MAGI1: variants seen among roughly 807,000 people sequenced by gnomAD.
MAGI1 encodes membrane associated guanylate kinase, WW and PDZ domain containing 1.
A neutral mutation model predicts 139.9 loss-of-function variants in MAGI1; 58 were observed. The observed-to-expected ratio is 0.41, with a 90% confidence interval of 0.34 to 0.52. The LOEUF (loss-of-function observed/expected upper bound fraction) is 0.52, where lower values mean the gene tolerates loss of function less well. Among genes scored for constraint, MAGI1 ranks in the 20% least tolerant of loss-of-function variants. The pLI is 0.12. For synonymous variants in MAGI1, 812 were observed against 737.9 expected, an observed-to-expected ratio of 1.10 and a Z score of -1.63; for missense variants, 1,874 against 1,901.6, an observed-to-expected ratio of 0.99 and a Z score of 0.27.
chr3:65,426,762 A>G (rs1947074593), intron 12 of MAGI1, among the ~76,000 whole-genome samples: 1 of 152,202 alleles, frequency 6.6e-6, no homozygotes, highest in South Asian at 2.1e-4. Flanking sequence ...GATTAATAGT[A>G]TCTAGTGCTA....
chr3:65,503,923 G>A (rs986675134), intron 2 of MAGI1, among the ~76,000 whole-genome samples: 32 of 152,284 alleles, frequency 2.1e-4, no homozygotes, highest in Non-Finnish European at 3.8e-4. Flanking sequence ...TTTCCTGGAA[G>A]CCAGGTGCTC....
chr3:65,836,256 G>C (rs1284444570), intron 1 of MAGI1, among the ~76,000 whole-genome samples: 1 of 152,124 alleles, frequency 6.6e-6, no homozygotes, highest in Non-Finnish European at 1.5e-5. Flanking sequence ...TTTGCTCCAT[G>C]AACACATGCA....
At chr3:65,672,839 T>TA (rs2086946016) in intron 1 of MAGI1, among the ~76,000 whole-genome samples, 2 of 152,192 alleles carry the variant, frequency 1.3e-5, no homozygotes, top group South Asian at 4.1e-4. Flanking sequence ...TAACCACTAT[T>TA]AAAGTGTTAA....
At chr3:65,969,888 C>T (rs922955041) in intron 1 of MAGI1, among the ~76,000 whole-genome samples, 2 of 152,214 alleles carry the variant, frequency 1.3e-5, no homozygotes, top group African/African-American at 4.8e-5. Flanking sequence ...AACAGCACAG[C>T]TCTAAGTACT....
chr3:65,879,177 G>A (rs1246180548), intron 1 of MAGI1, among the ~76,000 whole-genome samples: 1 of 151,758 alleles, frequency 6.6e-6, no homozygotes. Context: ...CACCAGACTC[G>A]GCCGAAAATT....
At chr3:65,697,853 T>C (rs1359727681) in intron 1 of MAGI1, among the ~76,000 whole-genome samples, 1 of 72,868 alleles carries the variant, frequency 1.4e-5, no homozygotes, top group Non-Finnish European at 2.5e-5. Context: ...CTATTCAACA[T>C]AGTGTTGGAA....
intron 22 of MAGI1, chr3:65,359,186 CA>C (rs1559881045): frequency 1.9e-6 from 3 of 1,609,012 alleles, no homozygotes; most frequent in Non-Finnish European, 1.7e-6. Flanking sequence ...CAAGAACAGT[CA>C]GAGAGAAGGA....
intron 12 of MAGI1, among the ~76,000 whole-genome samples, chr3:65,413,795 T>C (rs1360510898): frequency 6.6e-6 from 1 of 152,088 alleles, no homozygotes; most frequent in African/African-American, 2.4e-5. Context: ...CCACACACTA[T>C]CCCAGTTAGG....
rs776439947 is a variant in MAGI1 at position 65,493,520 on chromosome 3, G to C, written c.542C>G (p.Thr181Ser). Residue 181 changes from threonine (T) to serine (S), a missense_variant, in exon 3 of 23, where the codon ACC (threonine) becomes AGC (serine). Transcript: ENST00000402939. ...TCGTACAAGTAACTCACCTTCATAG[G>C]TGCCGACTTCCAGAAGAGTCCCACT... Reference protein sequence around the residue: ...EQSGTLLEVGTYEGNYYGTPK... With the variant: ...EQSGTLLEVGSYEGNYYGTPK... The C allele has an allele frequency of 3.1e-6, 5 of 1,614,094 alleles. No individual in the cohort carries two copies. In the East Asian group the frequency reaches 1.1e-4, roughly 36 times the overall value.
At chr3:65,550,460 G>A (rs892973671) in intron 2 of MAGI1, among the ~76,000 whole-genome samples, 5 of 152,188 alleles carry the variant, frequency 3.3e-5, no homozygotes, top group Admixed American at 2.0e-4. Flanking sequence ...AATAAAACTT[G>A]AAAGAAATTG....
intron 1 of MAGI1, among the ~76,000 whole-genome samples, chr3:65,974,405 G>GAT (rs2065163286): frequency 6.9e-6 from 1 of 144,558 alleles, no homozygotes; most frequent in South Asian, 2.2e-4. Context: ...ATGGGTGGAT[G>GAT]GGTGGATGGA....
At chr3:65,389,982 A>C (rs1943773320) in intron 14 of MAGI1, among the ~76,000 whole-genome samples, 1 of 152,178 alleles carries the variant, frequency 6.6e-6, no homozygotes, top group Admixed American at 6.5e-5. Context: ...GGACTGACCA[A>C]CTTTCCTCCT....
At chr3:65,855,488 A>G (rs1457048387) in intron 1 of MAGI1, among the ~76,000 whole-genome samples, 1 of 145,074 alleles carries the variant, frequency 6.9e-6, no homozygotes, top group African/African-American at 2.6e-5. Flanking sequence ...AGTAATCCTA[A>G]CTACTCAGAG....
chr3:65,969,147 G>T (rs894641118), intron 1 of MAGI1, among the ~76,000 whole-genome samples: 1 of 152,200 alleles, frequency 6.6e-6, no homozygotes, highest in Admixed American at 6.5e-5. Flanking sequence ...GAGAACAAGG[G>T]AAGTGAAGAC....
intron 1 of MAGI1, among the ~76,000 whole-genome samples, chr3:65,909,233 A>C (rs1354265444): frequency 1.3e-5 from 2 of 152,058 alleles, no homozygotes; most frequent in Non-Finnish European, 2.9e-5. Flanking sequence ...ACCTTTAAGG[A>C]GTTAATATAG....
At chr3:65,588,515 T>G (rs911941538) in intron 2 of MAGI1, among the ~76,000 whole-genome samples, 4 of 152,210 alleles carry the variant, frequency 2.6e-5, no homozygotes, top group African/African-American at 9.7e-5. Context: ...TTTTTCAATC[T>G]AGGCAATGTA....
intron 5 of MAGI1, among the ~76,000 whole-genome samples, chr3:65,469,068 T>C (rs1950384559): frequency 6.6e-6 from 1 of 152,138 alleles, no homozygotes; most frequent in South Asian, 2.1e-4. Flanking sequence ...AAGTAAGTTA[T>C]TTACTTAACT....
rs140162848 is a variant in MAGI1 at position 65,851,407 on chromosome 3, T to G, written c.313+186589A>C. 4.1e-3 allele frequency among the ~76,000 whole-genome samples: 629 copies of G among 152,248 alleles called. 2 individuals carry two copies. The highest frequency in any genetic ancestry group is 0.014 in the Middle Eastern group (4 of 294). On this transcript the variant is annotated intron_variant, in intron 1 of 22. Coordinates refer to ENST00000402939, the MANE Select transcript of MAGI1 (RefSeq NM_001033057.2). ...TTACATTGTTGCCTTATTTGGATTT[T>G]GATGGGCACTGGTGATGGAGTGTAA... is the stretch of plus-strand genomic sequence containing the variant.
chr3:65,597,818 C>T (rs1265947151), intron 2 of MAGI1: 2 of 456,062 alleles, frequency 4.4e-6, no homozygotes, highest in Non-Finnish European at 8.8e-6. Flanking sequence ...TACTTGCCTG[C>T]AAACCCCAGC....
Sources: gnomAD v4.1 joint callset for allele counts (sites outside exome capture counted in the v4.1 genomes callset) on GRCh38, gnomAD v4.1.1 for gene constraint, MANE v1.5 for transcripts, NCBI Gene and HGNC (gene_info 2026-07-23, HGNC 2026-07-21) for gene names.